Variants in RERE observed in about 807,000 individuals in gnomAD.
RERE encodes the protein arginine-glutamic acid dipeptide repeats, also known as arginine-glutamic acid dipeptide repeats protein.
Under a neutral mutation model 146.1 loss-of-function variants are expected in RERE, and 40 were observed. That is an observed-to-expected ratio of 0.27 (90% CI 0.21 to 0.36). The LOEUF (loss-of-function observed/expected upper bound fraction) is 0.36. RERE is among the 10% of genes least tolerant of loss of function. The pLI, the probability that RERE is intolerant of heterozygous loss-of-function variation, is 1.00. For missense variants in RERE, 1,933 were observed against 2,138.7 expected (o/e 0.90, Z 1.90); for synonymous variants, 1,003 against 866.0 (o/e 1.16, Z -2.78).
At chr1:8,449,002 C>T (rs185143697) in intron 11 of RERE, among the ~76,000 whole-genome samples, 506 of 152,286 alleles carry the variant, frequency 3.3e-3, no homozygotes, top group Non-Finnish European at 5.5e-3. Context: ...GCAGCTCTTT[C>T]GCTTGGTTAA....
In RERE at chr1:8,660,700, C is replaced by G. The variant is rs114860777; in HGVS notation, c.-144-4259G>C. ...CATCCATGCTGATGATTCACGCAGA[C>G]AGATTTAAGAAACACACTCACTCTG... On this transcript the variant is annotated intron_variant, in intron 1 of 22. Coordinates refer to ENST00000400908, the MANE Select transcript of RERE (RefSeq NM_001042681.2). 8.0e-3 allele frequency among the ~76,000 whole-genome samples: 1,218 copies of G among 152,310 alleles called. 13 individuals are homozygous for G. The highest frequency in any genetic ancestry group is 0.028 in the African/African-American group (1,164 of 41,546).
chr1:8,404,946 C>T (rs1181421941), intron 12 of RERE, among the ~76,000 whole-genome samples: 2 of 152,134 alleles, frequency 1.3e-5, no homozygotes, highest in Non-Finnish European at 2.9e-5. Context: ...AGATGAAGCC[C>T]CTGGTCCCTG....
intron 4 of RERE, among the ~76,000 whole-genome samples, chr1:8,572,160 C>T (rs962560703): frequency 1.3e-5 from 2 of 152,142 alleles, no homozygotes; most frequent in Admixed American, 1.3e-4. Context: ...ATAAAATTAA[C>T]TTATTTTGTT....
chr1:8,797,895 G>C (rs1025409238), intron 1 of RERE, among the ~76,000 whole-genome samples: 1 of 152,202 alleles, frequency 6.6e-6, no homozygotes, highest in African/African-American at 2.4e-5. Flanking sequence ...TGAAGAAAGA[G>C]AGAACTTCAA....
intron 6 of RERE, among the ~76,000 whole-genome samples, chr1:8,556,224 T>A (rs769113052): frequency 3.6e-4 from 52 of 145,946 alleles, no homozygotes; most frequent in Middle Eastern, 3.5e-3. Flanking sequence ...GAAGATACAA[T>A]AATATAGAAA....
intron 1 of RERE, among the ~76,000 whole-genome samples, chr1:8,715,042 T>C (rs1339902957): frequency 6.6e-6 from 1 of 151,550 alleles, no homozygotes; most frequent in Non-Finnish European, 1.5e-5. Flanking sequence ...CCTGGCTAAT[T>C]TTTGTATTTT....
intron 12 of RERE, among the ~76,000 whole-genome samples, chr1:8,395,373 G>A (rs1301406591): frequency 6.6e-6 from 1 of 151,878 alleles, no homozygotes; most frequent in Non-Finnish European, 1.5e-5. Context: ...TACTCGGGAG[G>A]CTGAGGCAGG....
chr1:8,369,943 C>T (rs940314907), intron 12 of RERE, among the ~76,000 whole-genome samples: 12 of 152,048 alleles, frequency 7.9e-5, no homozygotes, highest in African/African-American at 1.2e-4. Flanking sequence ...GAGCCCGCCA[C>T]CAGCCCGGCT....
chr1:8,479,587 G>C lies in RERE; in HGVS notation c.1105-13564C>G, dbSNP rs566293736. On this transcript the variant is annotated intron_variant, in intron 10 of 22. Coordinates refer to ENST00000400908, the MANE Select transcript of RERE (RefSeq NM_001042681.2). ...AGAAACCCAGACTGGAGAAGACACA[G>C]ACACACAGAAGAGAAGGCAGCGTGA... Among the ~76,000 whole-genome samples, 383 of 152,298 alleles carry C rather than the reference G, an allele frequency of 2.5e-3. 1 individual carries two copies. The highest frequency in any genetic ancestry group is 4.5e-3 in the Non-Finnish European group (305 of 68,026).
At chr1:8,584,091 G>A (rs1405457249) in intron 4 of RERE, among the ~76,000 whole-genome samples, 1 of 152,042 alleles carries the variant, frequency 6.6e-6, no homozygotes, top group East Asian at 1.9e-4. Flanking sequence ...ATTCAGAAAT[G>A]AAGTGACAGA....
At chr1:8,365,243 G>A (rs751847831) in intron 13 of RERE, among the ~76,000 whole-genome samples, 2 of 152,144 alleles carry the variant, frequency 1.3e-5, no homozygotes, top group African/African-American at 2.4e-5. Context: ...GCCTGCATGC[G>A]CAACACCGGC....
At chr1:8,378,445 C>T (rs563066315) in intron 12 of RERE, among the ~76,000 whole-genome samples, 3 of 152,302 alleles carry the variant, frequency 2.0e-5, no homozygotes, top group East Asian at 1.9e-4. Flanking sequence ...GCTCTAACCC[C>T]CAGGGCCTCT....
intron 1 of RERE, among the ~76,000 whole-genome samples, chr1:8,722,520 T>TAACACCTTAA (rs1639883047): frequency 6.6e-6 from 1 of 152,186 alleles, no homozygotes; most frequent in Non-Finnish European, 1.5e-5. Flanking sequence ...TAACATCTGT[T>TAACACCTTAA]CAATAAAGCC....
chr1:8,804,774 T>TTGAA (rs149578493), intron 1 of RERE, among the ~76,000 whole-genome samples: 2,290 of 152,282 alleles, frequency 0.015, 53 homozygotes, highest in African/African-American at 0.051. Flanking sequence ...GAGTTACATG[T>TTGAA]TGAAGGCTGG....
At chr1:8,757,090 CAAAA>C (rs34237128) in intron 1 of RERE, among the ~76,000 whole-genome samples, 1 of 59,490 alleles carries the variant, frequency 1.7e-5, no homozygotes, top group African/African-American at 6.8e-5. Flanking sequence ...AACTCCATCT[CAAAA>C]AAAAAAAAAA....
At chr1:8,722,276 T>C (rs1218953207) in intron 1 of RERE, among the ~76,000 whole-genome samples, 1 of 152,262 alleles carries the variant, frequency 6.6e-6, no homozygotes, top group East Asian at 1.9e-4. Context: ...TCCCCTTGGC[T>C]ATCAAACCAA....
At chr1:8,558,626 G>A (rs1212320185) in intron 4 of RERE, among the ~76,000 whole-genome samples, 2 of 152,156 alleles carry the variant, frequency 1.3e-5, no homozygotes, top group Non-Finnish European at 2.9e-5. Context: ...GATGCTTCCT[G>A]CTTTAACGAG....
At chr1:8,811,141 G>C (rs560571457) in intron 1 of RERE, among the ~76,000 whole-genome samples, 36 of 152,090 alleles carry the variant, frequency 2.4e-4, no homozygotes, top group Non-Finnish European at 4.6e-4. Context: ...GCATAGCCAG[G>C]TCCTGCCAGA....
intron 1 of RERE, chr1:8,750,459 T>G: frequency 1.0e-6 from 1 of 972,198 alleles, no homozygotes; most frequent in South Asian, 1.3e-5. Context: ...AAGAAGGTGG[T>G]TCCTGCTGTG....
Sources: allele counts gnomAD v4.1 joint callset (sites outside exome capture counted in the v4.1 genomes callset), GRCh38; gene constraint gnomAD v4.1.1; transcripts MANE v1.5; gene names NCBI Gene and HGNC (gene_info 2026-07-23, HGNC 2026-07-21).